The following TRIP12 variants were observed in gnomAD, a reference collection of about 807,000 sequenced individuals.
TRIP12 encodes the protein E3 ubiquitin-protein ligase TRIP12.
Under a neutral mutation model 244.2 loss-of-function variants are expected in TRIP12, and 25 were observed. The observed-to-expected ratio is 0.10, with a 90% confidence interval of 0.07 to 0.14. The LOEUF (loss-of-function observed/expected upper bound fraction) is 0.14, where lower values mean the gene tolerates loss of function less well. Ranked by LOEUF, TRIP12 falls within the 10% of genes least tolerant of loss-of-function variation. The pLI, the probability that TRIP12 is intolerant of heterozygous loss-of-function variation, is 1.00. For missense variants in TRIP12, 1,677 were observed against 2,486.4 expected (o/e 0.67, Z 6.92); for synonymous variants, 905 against 873.1 (o/e 1.04, Z -0.64).
chr2:229,819,085 C>CACACACACAA (rs1553640456), intron 8 of TRIP12, among the ~76,000 whole-genome samples: 3 of 109,572 alleles, frequency 2.7e-5, no homozygotes, highest in African/African-American at 8.2e-5. Flanking sequence ...CACACACACA[C>CACACACACAA]AATTATAAAC....
chr2:229,867,903 C>A (rs1416153517), intron 2 of TRIP12, among the ~76,000 whole-genome samples: 2 of 152,262 alleles, frequency 1.3e-5, no homozygotes, highest in African/African-American at 4.8e-5. Context: ...TAGGCCCCCC[C>A]AAAAAATTTA....
At chr2:229,895,628 C>A (rs1030481379) in intron 1 of TRIP12, among the ~76,000 whole-genome samples, 1 of 149,802 alleles carries the variant, frequency 6.7e-6, no homozygotes, top group South Asian at 2.1e-4. Context: ...ACAGAAAGAA[C>A]AAAAGATTAA....
intron 1 of TRIP12, among the ~76,000 whole-genome samples, chr2:229,914,745 G>A (rs1451913589): frequency 5.9e-5 from 9 of 152,162 alleles, no homozygotes; most frequent in African/African-American, 1.4e-4. Context: ...CAGCCAACAA[G>A]TTGATTAAAA....
intron 1 of TRIP12, among the ~76,000 whole-genome samples, chr2:229,901,397 G>T (rs982739188): frequency 6.6e-6 from 1 of 151,232 alleles, no homozygotes; most frequent in Non-Finnish European, 1.5e-5. Context: ...AAGGTGGGTG[G>T]ATCACCTGAG....
chr2:229,922,229 G>C, upstream of TRIP12: 1 of 356,168 alleles, frequency 2.8e-6, no homozygotes, highest in South Asian at 4.1e-5. Flanking sequence ...GAGGGACCAG[G>C]AAGGGGACTG....
intron 8 of TRIP12, among the ~76,000 whole-genome samples, chr2:229,826,764 A>G (rs997414511): frequency 1.1e-4 from 16 of 152,218 alleles, no homozygotes; most frequent in African/African-American, 3.9e-4. Flanking sequence ...ATATGTTAAT[A>G]TATCTACAAA....
chr2:229,771,767 A>G (rs1242738617), intron 38 of TRIP12, 135 bp from the exon 39 acceptor site: 12 of 591,682 alleles, frequency 2.0e-5, no homozygotes, highest in Admixed American at 3.0e-5. Flanking sequence ...ACTTTAAAAT[A>G]ATCTGCTAGA....
Position 229,808,386 on chromosome 2 carries a change from C to A in TRIP12, c.2222-17G>T. 1.3e-6 allele frequency: 2 copies of A among 1,567,240 alleles called. No homozygotes were observed. Among genetic ancestry groups the A allele is most frequent in the Admixed American group, 1.7e-5 (1 of 59,254 alleles). ...CTGCAATGTCTGTAAAAACCAACAACAAAAAACAAAAGGCTATTAAACTAG... is the reference window on the plus strand; with the variant it reads ...CTGCAATGTCTGTAAAAACCAACAAAAAAAAACAAAAGGCTATTAAACTAG... On this transcript the variant is annotated splice_polypyrimidine_tract_variant and intron_variant, in intron 15 of 41. Coordinates refer to ENST00000675903, the MANE Select transcript of TRIP12 (RefSeq NM_001348323.3).
chr2:229,840,800 T>TAAA (rs11373804), intron 5 of TRIP12, 22 bp downstream of exon 5: 86 of 1,310,710 alleles, frequency 6.6e-5, no homozygotes, highest in African/African-American at 2.9e-4. Flanking sequence ...GAACTCACTA[T>TAAA]AAAAAAAAAA....
At chr2:229,800,384 A>G (rs2043966339) in intron 21 of TRIP12, among the ~76,000 whole-genome samples, 1 of 152,208 alleles carries the variant, frequency 6.6e-6, no homozygotes, top group Admixed American at 6.5e-5. Flanking sequence ...TTAGAATAAC[A>G]AAACTAAATA....
chr2:229,791,555 G>A lies in TRIP12; in HGVS notation c.4416-304C>T, dbSNP rs140441575. Among the ~76,000 whole-genome samples, 9 of 152,288 alleles carry A rather than the reference G, an allele frequency of 5.9e-5. No individual in the cohort carries two copies. The East Asian group carries it at 1.7e-3, about 29-fold the overall frequency. On this transcript the variant is annotated intron_variant, in intron 29 of 41. Transcript: ENST00000675903. The stretch of plus-strand genomic sequence containing the variant: ...AAATCCCTCTTAAGGACTCAGAGAT[G>A]CCCAACTTCAGATTACCTAATATCT...
At chr2:229,818,915 C>T (rs2049176160) in intron 8 of TRIP12, among the ~76,000 whole-genome samples, 3 of 152,078 alleles carry the variant, frequency 2.0e-5, no homozygotes, top group Non-Finnish European at 4.4e-5. Flanking sequence ...AAATGTTATA[C>T]ACCTCTAAAT....
At position 229,822,141 on chromosome 2, in the gene TRIP12, AAAAC is replaced by A. The variant is rs368721599; in HGVS notation, c.1451-3633_1451-3630del. On this transcript the variant is annotated intron_variant, in intron 8 of 41. Transcript: ENST00000675903. The stretch of plus-strand genomic sequence containing the variant: ...AGCGACAAGAGCGAGACTCCGTCTC[AAAAC>A]AAACAAACAAACAAACAAAAAACTG... 2.9e-3 allele frequency among the ~76,000 whole-genome samples: 449 copies of A among 152,278 alleles called. 1 individual carries two copies. The highest frequency in any genetic ancestry group is 4.6e-3 in the Non-Finnish European group (313 of 67,988).
chr2:229,792,285 T>C (rs2041734865), intron 27 of TRIP12, 59 bp from the exon 28 acceptor site: 3 of 1,279,518 alleles, frequency 2.3e-6, no homozygotes, highest in Admixed American at 1.8e-5. Flanking sequence ...AAAAAAAAAA[T>C]CCTGTATACA....
At chr2:229,804,787 A>T (rs2045411085) in intron 18 of TRIP12, among the ~76,000 whole-genome samples, 1 of 152,176 alleles carries the variant, frequency 6.6e-6, no homozygotes, top group Non-Finnish European at 1.5e-5. Context: ...AGCCATGTAC[A>T]TTTGTTCACA....
intron 20 of TRIP12, among the ~76,000 whole-genome samples, chr2:229,802,768 A>T (rs931149462): frequency 6.6e-6 from 1 of 152,354 alleles, no homozygotes; most frequent in African/African-American, 2.4e-5. Context: ...TTATAAAAAC[A>T]ATAATCAACT....
At chr2:229,850,069 C>G (rs529388656) in intron 4 of TRIP12, among the ~76,000 whole-genome samples, 1 of 152,204 alleles carries the variant, frequency 6.6e-6, no homozygotes, top group Admixed American at 6.5e-5. Context: ...CAAAACCATT[C>G]CAGAATACAC....
At chr2:229,858,141 A>C (rs2059920879) in intron 4 of TRIP12, among the ~76,000 whole-genome samples, 1 of 152,198 alleles carries the variant, frequency 6.6e-6, no homozygotes, top group African/African-American at 2.4e-5. Context: ...AGGTGAGCAG[A>C]TCACTTGAGG....
At chr2:229,888,263 G>C (rs1305380329) in intron 1 of TRIP12, among the ~76,000 whole-genome samples, 1 of 152,116 alleles carries the variant, frequency 6.6e-6, no homozygotes, top group Non-Finnish European at 1.5e-5. Context: ...ATAAGCAAAT[G>C]GAAGTAAAGA....
Sources: allele counts gnomAD v4.1 joint callset (sites outside exome capture counted in the v4.1 genomes callset), GRCh38; gene constraint gnomAD v4.1.1; transcripts MANE v1.5; gene names NCBI Gene and HGNC (gene_info 2026-07-23, HGNC 2026-07-21).